CADM2: variants seen among roughly 807,000 people sequenced by gnomAD.
CADM2 encodes the protein cell adhesion molecule 2.
Under a neutral mutation model 49.8 loss-of-function variants are expected in CADM2, and 12 were observed. The ratio of observed to expected loss-of-function variants is 0.24; its 90% CI spans 0.15 to 0.39. The LOEUF is 0.39. CADM2 is among the 10% of genes least tolerant of loss of function. The pLI is 1.00. For synonymous variants in CADM2, 214 were observed against 175.4 expected, an observed-to-expected ratio of 1.22 and a Z score of -1.74; for missense variants, 378 against 492.3, an observed-to-expected ratio of 0.77 and a Z score of 2.20.
At position 85,320,285 on chromosome 3, in the gene CADM2, G is replaced by A. The variant is rs534380172; in HGVS notation, c.61+360617G>A. Among the ~76,000 whole-genome samples the A allele has an allele frequency of 4.9e-4, 75 of 152,218 alleles. 1 individual carries two copies. The highest frequency in any genetic ancestry group is 2.1e-4 in the South Asian group (1 of 4,810). On this transcript the variant is annotated intron_variant, in intron 1 of 9. Coordinates refer to ENST00000383699, the MANE Select transcript of CADM2 (RefSeq NM_001167675.2). ...CAACTGAGATACTTTGCTCTAGAAC[G>A]TTTAAAGCAAATACTGATCAAGTCA...
intron 1 of CADM2, among the ~76,000 whole-genome samples, chr3:85,217,973 G>A (rs946056044): frequency 6.6e-6 from 1 of 151,530 alleles, no homozygotes; most frequent in Non-Finnish European, 1.5e-5. Context: ...TGGATATTTG[G>A]CCTTTAGCTG....
chr3:85,271,545 A>G (rs180999227), intron 1 of CADM2, among the ~76,000 whole-genome samples: 16 of 151,284 alleles, frequency 1.1e-4, no homozygotes, highest in Admixed American at 2.7e-4. Flanking sequence ...CACACGGAGC[A>G]TAAGTGAGTT....
At chr3:85,367,718 A>T (rs530362810) in intron 1 of CADM2, among the ~76,000 whole-genome samples, 1 of 151,930 alleles carries the variant, frequency 6.6e-6, no homozygotes, top group Non-Finnish European at 1.5e-5. Context: ...GCCCATTTTC[A>T]TCCCTATGAC....
chr3:85,486,464 C>T (rs62250720), intron 1 of CADM2, among the ~76,000 whole-genome samples: 6 of 152,006 alleles, frequency 3.9e-5, no homozygotes, highest in African/African-American at 1.2e-4. Flanking sequence ...AATCCAGTTC[C>T]GACATAAATG....
intron 1 of CADM2, among the ~76,000 whole-genome samples, chr3:85,408,009 C>CAAAAAAAA (rs2035473092): frequency 1.9e-4 from 1 of 5,356 alleles, no homozygotes; most frequent in Non-Finnish European, 8.4e-4. Context: ...CAAAACAAAA[C>CAAAAAAAA]CAAAAAAAAA....
intron 5 of CADM2, among the ~76,000 whole-genome samples, chr3:85,910,073 T>C (rs1301197139): frequency 6.6e-6 from 1 of 152,230 alleles, no homozygotes; most frequent in East Asian, 1.9e-4. Flanking sequence ...TTATGATTTA[T>C]ACAATTGCTA....
chr3:85,100,207 A>G (rs759876357), intron 1 of CADM2, among the ~76,000 whole-genome samples: 2 of 152,140 alleles, frequency 1.3e-5, no homozygotes, highest in Non-Finnish European at 2.9e-5. Flanking sequence ...TTCTTTTGGA[A>G]TCACTGTACT....
At chr3:85,339,595 C>A (rs2045186389) in intron 1 of CADM2, among the ~76,000 whole-genome samples, 1 of 151,052 alleles carries the variant, frequency 6.6e-6, no homozygotes, top group Admixed American at 6.6e-5. Flanking sequence ...CAGGCATTAA[C>A]CTATAGGCAT....
At chr3:85,806,405 G>A (rs1331636387) in intron 3 of CADM2, among the ~76,000 whole-genome samples, 1 of 152,160 alleles carries the variant, frequency 6.6e-6, no homozygotes, top group African/African-American at 2.4e-5. Context: ...ACCTGGAGGT[G>A]TAAGTTTCCA....
At chr3:85,680,760 A>G (rs1243485795) in intron 1 of CADM2, among the ~76,000 whole-genome samples, 2 of 152,164 alleles carry the variant, frequency 1.3e-5, no homozygotes, top group Admixed American at 6.5e-5. Context: ...TCTTGATTTC[A>G]CAAACTGCTT....
chr3:85,973,777 A>T (rs1227835831), intron 8 of CADM2, among the ~76,000 whole-genome samples: 1 of 151,760 alleles, frequency 6.6e-6, no homozygotes, highest in Admixed American at 6.6e-5. Context: ...GGGTCCTCCC[A>T]TAGCAGTATG....
intron 1 of CADM2, among the ~76,000 whole-genome samples, chr3:85,539,901 G>A (rs1296826809): frequency 6.6e-6 from 1 of 152,098 alleles, no homozygotes; most frequent in Non-Finnish European, 1.5e-5. Context: ...TGACTGCAAA[G>A]TAGAAATGTC....
At position 84,959,596 on chromosome 3, in the gene CADM2, A is replaced by G. The variant is rs2107023597; in HGVS notation, c.-12A>G. On this transcript the variant is annotated 5_prime_UTR_variant, in exon 1 of 10. Transcript: ENST00000383699. ...CCCCTCGTTCCTTCCCCAGCCCTTT[A>G]GAGAAGGGACCATGATTTGGAAACG... The G allele has an allele frequency of 6.5e-7, 1 of 1,536,574 alleles. No homozygotes were observed. Among genetic ancestry groups the G allele is most frequent in the East Asian group, 2.4e-5 (1 of 40,832 alleles).
At chr3:85,894,187 GT>G (rs111753603) in intron 5 of CADM2, among the ~76,000 whole-genome samples, 6,682 of 152,254 alleles carry the variant, frequency 0.044, 503 homozygotes, top group African/African-American at 0.15. Context: ...ATGAGTTCAT[GT>G]CCTTTGTAGG....
At chr3:85,539,765 G>A (rs2061500854) in intron 1 of CADM2, among the ~76,000 whole-genome samples, 1 of 152,010 alleles carries the variant, frequency 6.6e-6, no homozygotes, top group African/African-American at 2.4e-5. Context: ...TGAGCAACTT[G>A]GTAAATGCAA....
At chr3:85,053,595 A>C (rs1283469858) in intron 1 of CADM2, among the ~76,000 whole-genome samples, 1 of 151,986 alleles carries the variant, frequency 6.6e-6, no homozygotes, top group African/African-American at 2.4e-5. Flanking sequence ...TATTGTATAA[A>C]GAAGAATGTT....
At chr3:85,494,921 G>A (rs904411243) in intron 1 of CADM2, among the ~76,000 whole-genome samples, 4 of 152,132 alleles carry the variant, frequency 2.6e-5, no homozygotes, top group East Asian at 3.9e-4. Context: ...TGAATGGGGC[G>A]AAAGAAAACG....
chr3:85,021,890 G>A (rs2034528154), intron 1 of CADM2, among the ~76,000 whole-genome samples: 1 of 152,196 alleles, frequency 6.6e-6, no homozygotes, highest in South Asian at 2.1e-4. Context: ...AACTCAGTGT[G>A]GGGATTGCTA....
At chr3:85,102,787 G>A (rs1332380201) in intron 1 of CADM2, among the ~76,000 whole-genome samples, 3 of 152,072 alleles carry the variant, frequency 2.0e-5, no homozygotes, top group African/African-American at 7.2e-5. Flanking sequence ...GAGAACTTCA[G>A]GTTGCTGCAT....
Sources: allele counts gnomAD v4.1 joint callset (sites outside exome capture counted in the v4.1 genomes callset), GRCh38; gene constraint gnomAD v4.1.1; transcripts MANE v1.5; gene names NCBI Gene and HGNC (gene_info 2026-07-23, HGNC 2026-07-21).